CNTNAP2: variants seen among roughly 807,000 people sequenced by gnomAD.
CNTNAP2 encodes the protein contactin associated protein 2.
A neutral mutation model predicts 155.2 loss-of-function variants in CNTNAP2; 98 were observed. The observed-to-expected ratio is 0.63, with a 90% CI of 0.54 to 0.75. The LOEUF (loss-of-function observed/expected upper bound fraction) is 0.75. Ranked by LOEUF, CNTNAP2 falls within the 30% of genes least tolerant of loss-of-function variation. The pLI, the probability that CNTNAP2 is intolerant of heterozygous loss-of-function variation, is 0.00. For missense variants in CNTNAP2, 1,727 were observed against 1,688.1 expected (o/e 1.02, Z -0.40); for synonymous variants, 651 against 631.2 (o/e 1.03, Z -0.47).
At position 148,073,495 on chromosome 7, in the gene CNTNAP2, G is replaced by A. The variant is rs188705386; in HGVS notation, c.2384-44623G>A. On this transcript the variant is annotated intron_variant, in intron 15 of 23. Coordinates refer to ENST00000361727, the MANE Select transcript of CNTNAP2 (RefSeq NM_014141.6). ...AGCCATTTGTCCAGCATATCCACGC[G>A]GTAGCTGCTACCTGTTCCTGAGTCA... Among the ~76,000 whole-genome samples, 59 of 152,252 alleles carry A rather than the reference G, an allele frequency of 3.9e-4. No individual in the cohort carries two copies. In the East Asian group the frequency reaches 9.3e-3, roughly 24 times the overall value.
intron 1 of CNTNAP2, among the ~76,000 whole-genome samples, chr7:146,595,545 A>C (rs1232549036): frequency 6.6e-6 from 1 of 152,080 alleles, no homozygotes; most frequent in Non-Finnish European, 1.5e-5. Flanking sequence ...TCAATATCTT[A>C]TACAATTTCT....
intron 1 of CNTNAP2, among the ~76,000 whole-genome samples, chr7:146,686,446 A>G (rs776770968): frequency 2.6e-5 from 4 of 152,272 alleles, no homozygotes; most frequent in East Asian, 3.9e-4. Context: ...TTCCTTCTCC[A>G]GTTACCAACA....
At chr7:147,604,703 C>G (rs1020861179) in intron 12 of CNTNAP2, among the ~76,000 whole-genome samples, 6 of 152,124 alleles carry the variant, frequency 3.9e-5, no homozygotes, top group African/African-American at 1.4e-4. Context: ...AATAATGGAA[C>G]CAACCAATCC....
At chr7:148,190,577 A>G (rs1795189232) in intron 18 of CNTNAP2, 2 of 152,212 alleles carry the variant, frequency 1.3e-5, no homozygotes, top group Admixed American at 1.3e-4. Flanking sequence ...GTATCTCTAT[A>G]TATGAAAGGA....
chr7:147,557,151 C>T (rs775606302), intron 11 of CNTNAP2, among the ~76,000 whole-genome samples: 1 of 151,980 alleles, frequency 6.6e-6, no homozygotes, highest in East Asian at 1.9e-4. Context: ...GTAATCCCAG[C>T]TGCTTGGGAA....
chr7:147,299,341 CA>C (rs774201644), intron 8 of CNTNAP2, among the ~76,000 whole-genome samples: 25 of 151,748 alleles, frequency 1.6e-4, no homozygotes, highest in Non-Finnish European at 2.9e-4. Context: ...AGCTAATGGA[CA>C]ATTCAATCTA....
At chr7:146,362,132 GA>G (rs1795090696) in intron 1 of CNTNAP2, among the ~76,000 whole-genome samples, 1 of 152,012 alleles carries the variant, frequency 6.6e-6, no homozygotes, top group Non-Finnish European at 1.5e-5. Context: ...TTACTCTTTG[GA>G]AATTTTACTT....
intron 15 of CNTNAP2, among the ~76,000 whole-genome samples, chr7:147,984,530 T>C (rs1585062209): frequency 1.3e-5 from 2 of 151,968 alleles, no homozygotes; most frequent in South Asian, 4.2e-4. Context: ...GAGCTGATGT[T>C]AGGATAAAAA....
intron 19 of CNTNAP2, among the ~76,000 whole-genome samples, chr7:148,219,924 C>T (rs980520875): frequency 6.6e-6 from 1 of 152,104 alleles, no homozygotes; most frequent in African/African-American, 2.4e-5. Context: ...ACTGTTATTA[C>T]TAACTTAATT....
At chr7:147,707,352 G>T (rs565176330) in intron 13 of CNTNAP2, among the ~76,000 whole-genome samples, 1 of 152,338 alleles carries the variant, frequency 6.6e-6, no homozygotes, top group Non-Finnish European at 1.5e-5. Flanking sequence ...GCTTGCAGTA[G>T]TGTAATCACT....
chr7:147,728,507 C>G (rs77129075), intron 13 of CNTNAP2, among the ~76,000 whole-genome samples: 1,831 of 151,922 alleles, frequency 0.012, 47 homozygotes, highest in African/African-American at 0.041. Flanking sequence ...TCAGAGTAGC[C>G]CTAAAATGAT....
chr7:147,205,306 T>G (rs546873885), intron 8 of CNTNAP2, among the ~76,000 whole-genome samples: 1 of 152,238 alleles, frequency 6.6e-6, no homozygotes, highest in African/African-American at 2.4e-5. Context: ...GCCCATCAAC[T>G]TTGTTCTTTT....
chr7:147,823,196 GC>G (rs1798388584), intron 13 of CNTNAP2, among the ~76,000 whole-genome samples: 1 of 152,078 alleles, frequency 6.6e-6, no homozygotes, highest in African/African-American at 2.4e-5. Context: ...CCAGTTTTCT[GC>G]CTTTGTAATG....
At chr7:147,360,321 C>A (rs1019486104) in intron 9 of CNTNAP2, among the ~76,000 whole-genome samples, 1 of 151,994 alleles carries the variant, frequency 6.6e-6, no homozygotes, top group Non-Finnish European at 1.5e-5. Context: ...TATGATATTT[C>A]AGTATGTTAA....
chr7:148,403,967 C>T (rs769958385), intron 22 of CNTNAP2, among the ~76,000 whole-genome samples: 7 of 152,182 alleles, frequency 4.6e-5, no homozygotes, highest in East Asian at 1.9e-4. Flanking sequence ...CAAAGTCCAG[C>T]GGACTAGGAG....
At chr7:148,165,808 C>A (rs2906294) in intron 17 of CNTNAP2, among the ~76,000 whole-genome samples, 51,961 of 151,872 alleles carry the variant, frequency 0.34, 11,012 homozygotes, top group African/African-American at 0.58. Flanking sequence ...TTGTGATCAC[C>A]TTGGGATTAA....
intron 1 of CNTNAP2, among the ~76,000 whole-genome samples, chr7:146,728,500 G>A (rs904624761): frequency 6.6e-6 from 1 of 151,892 alleles, no homozygotes; most frequent in Non-Finnish European, 1.5e-5. Context: ...ATGGCTACAG[G>A]TGTGTCAATT....
At chr7:146,748,085 G>A (rs1463846865) in intron 1 of CNTNAP2, among the ~76,000 whole-genome samples, 1 of 150,492 alleles carries the variant, frequency 6.6e-6, no homozygotes, top group Non-Finnish European at 1.5e-5. Flanking sequence ...GAATATTAAA[G>A]CCCAGAGAGT....
intron 11 of CNTNAP2, among the ~76,000 whole-genome samples, chr7:147,489,266 C>T (rs1451786148): frequency 6.6e-6 from 1 of 152,146 alleles, no homozygotes; most frequent in African/African-American, 2.4e-5. Flanking sequence ...GAACTGCTCC[C>T]CTGAGGAGCC....
Sources: allele counts gnomAD v4.1 joint callset (sites outside exome capture counted in the v4.1 genomes callset), GRCh38; gene constraint gnomAD v4.1.1; transcripts MANE v1.5; gene names NCBI Gene and HGNC (gene_info 2026-07-23, HGNC 2026-07-21).